EPHA6: variants seen among roughly 807,000 people sequenced by gnomAD.
The protein encoded by EPHA6 is ephrin type-A receptor 6.
A neutral mutation model predicts 112.0 loss-of-function variants in EPHA6; 50 were observed. That is an observed-to-expected ratio of 0.45 (90% CI 0.36 to 0.56). The LOEUF (loss-of-function observed/expected upper bound fraction) is 0.56, where lower values mean the gene tolerates loss of function less well. EPHA6 is among the 20% of genes least tolerant of loss of function. The probability of loss-of-function intolerance (pLI) is 0.00; values close to 1 mark genes in which losing one functional copy is unlikely to be tolerated. For synonymous variants in EPHA6, 529 were observed against 490.7 expected (o/e 1.08, Z -1.03); for missense variants, 1,280 against 1,417.4 (o/e 0.90, Z 1.56).
rs150704449 is a variant in EPHA6 at position 97,638,796 on chromosome 3, G to A, written c.2784+714G>A. 2.8e-3 allele frequency among the ~76,000 whole-genome samples: 431 copies of A among 152,128 alleles called. 2 individuals carry two copies. Among genetic ancestry groups the A allele is most frequent in the African/African-American group, 9.2e-3 (381 of 41,532 alleles). On this transcript the variant is annotated intron_variant, in intron 14 of 17. Coordinates refer to ENST00000389672, the MANE Select transcript of EPHA6 (RefSeq NM_001080448.3). ...TATCTTCAAGCTACTAATTCATAAA[G>A]TTATATTCTGTTATTTTTTTAAACA...
rs528655637 is a variant in EPHA6 at position 97,413,785 on chromosome 3, T to C, written c.1731+8511T>C. Among the ~76,000 whole-genome samples, 53 of 152,072 alleles carry C rather than the reference T, an allele frequency of 3.5e-4. No homozygotes were observed. The South Asian group carries it at 0.01, about 30-fold the overall frequency. On this transcript the variant is annotated intron_variant, in intron 6 of 17. Coordinates refer to ENST00000389672, the MANE Select transcript of EPHA6 (RefSeq NM_001080448.3). ...CACCTAATTTACTATCCCCAAATGA[T>C]GAAGGACTAAATACCTAAATACCTA...
chr3:97,246,581 CT>C (rs2078993245), intron 5 of EPHA6, among the ~76,000 whole-genome samples: 1 of 151,190 alleles, frequency 6.6e-6, no homozygotes, highest in Non-Finnish European at 1.5e-5. Flanking sequence ...AATAATTTAT[CT>C]TTTTTGAATA....
intron 5 of EPHA6, among the ~76,000 whole-genome samples, chr3:97,250,474 T>C (rs1024567265): frequency 5.9e-5 from 9 of 152,200 alleles, no homozygotes; most frequent in Admixed American, 4.6e-4. Flanking sequence ...CTTATTGCTG[T>C]TTTGGTGCCT....
chr3:97,316,169 T>C (rs2081825740), intron 5 of EPHA6, among the ~76,000 whole-genome samples: 1 of 151,810 alleles, frequency 6.6e-6, no homozygotes, highest in African/African-American at 2.4e-5. Context: ...CCTCAAGATA[T>C]GGGAGAATAT....
At chr3:97,364,979 A>G (rs2084632571) in intron 5 of EPHA6, among the ~76,000 whole-genome samples, 2 of 152,180 alleles carry the variant, frequency 1.3e-5, no homozygotes, top group South Asian at 4.1e-4. Context: ...TTAAGTTCCA[A>G]AAGACTCTGC....
intron 3 of EPHA6, among the ~76,000 whole-genome samples, chr3:97,163,001 C>A (rs1404064901): frequency 6.6e-6 from 1 of 152,130 alleles, no homozygotes; most frequent in African/African-American, 2.4e-5. Context: ...GCCCCTGCTG[C>A]CCTGGAACTG....
At chr3:97,042,351 A>C (rs975082151) in intron 3 of EPHA6, among the ~76,000 whole-genome samples, 1 of 152,060 alleles carries the variant, frequency 6.6e-6, no homozygotes, top group African/African-American at 2.4e-5. Context: ...TTAAGCTTCC[A>C]GAGGCCTCAT....
intron 1 of EPHA6, among the ~76,000 whole-genome samples, chr3:96,850,151 G>C (rs2035296859): frequency 6.6e-6 from 1 of 152,100 alleles, no homozygotes; most frequent in Admixed American, 6.6e-5. Flanking sequence ...GAGATTGGAA[G>C]GAGCTGTGGT....
intron 3 of EPHA6, among the ~76,000 whole-genome samples, chr3:97,127,638 T>C (rs1198370675): frequency 2.6e-5 from 4 of 151,744 alleles, no homozygotes; most frequent in African/African-American, 9.7e-5. Context: ...GGAGACTCCT[T>C]TGAACCTGAG....
Position 97,493,623 on chromosome 3 carries a change from C to CTGTGTGTGTGTGTGTGTG in EPHA6, c.2200+9566_2200+9583dup, listed in dbSNP as rs373276812. Among the ~76,000 whole-genome samples, 764 of 147,368 alleles carry CTGTGTGTGTGTGTGTGTG rather than the reference C, an allele frequency of 5.2e-3. 9 individuals are homozygous for CTGTGTGTGTGTGTGTGTG. The highest frequency in any genetic ancestry group is 0.017 in the African/African-American group (700 of 40,226). Reference sequence around the variant, plus strand: ...TTTTGGGGGGACACAATTTAGTCCTCTGTGTGTGTGTGTGTGTGTAGTGGG... The same window carrying CTGTGTGTGTGTGTGTGTG: ...TTTTGGGGGGACACAATTTAGTCCTCTGTGTGTGTGTGTGTGTGTGTGTGTGTGTGTGTGTGTAGTGGG... On this transcript the variant is annotated intron_variant, in intron 10 of 17. Transcript: ENST00000389672.
chr3:97,575,698 G>T (rs1314717773), intron 11 of EPHA6, among the ~76,000 whole-genome samples: 1 of 152,148 alleles, frequency 6.6e-6, no homozygotes, highest in African/African-American at 2.4e-5. Flanking sequence ...CCTTTGAAAG[G>T]TTTTAAGCAG....
At chr3:97,244,468 C>T in intron 5 of EPHA6, 181 bp downstream of exon 5, 1 of 588,040 alleles carries the variant, frequency 1.7e-6, no homozygotes, top group African/African-American at 1.9e-5. Context: ...TTTTATATTA[C>T]TTCTCAGCAG....
chr3:97,441,428 A>G (rs2090133900), intron 6 of EPHA6: 3 of 978,934 alleles, frequency 3.1e-6, no homozygotes, highest in Non-Finnish European at 3.6e-6. Context: ...AAACAAAACT[A>G]CAATGGAAGA....
chr3:96,999,312 C>T (rs1401323650), intron 3 of EPHA6, among the ~76,000 whole-genome samples: 2 of 151,850 alleles, frequency 1.3e-5, no homozygotes, highest in Admixed American at 1.3e-4. Context: ...ATAAATTTCC[C>T]AAAGAATTCA....
At chr3:96,905,901 A>G (rs1002070802) in intron 2 of EPHA6, among the ~76,000 whole-genome samples, 47 of 152,034 alleles carry the variant, frequency 3.1e-4, no homozygotes, top group African/African-American at 1.1e-3. Context: ...TTGAAATAAC[A>G]TTGTAAGTAC....
At chr3:97,724,206 C>T (rs4257593) in intron 15 of EPHA6, among the ~76,000 whole-genome samples, 41,933 of 151,920 alleles carry the variant, frequency 0.28, 6,136 homozygotes, top group East Asian at 0.38. Flanking sequence ...TGAGTTTCTC[C>T]GTTCTGCAGA....
chr3:96,891,262 A>G (rs2037944661), intron 2 of EPHA6, among the ~76,000 whole-genome samples: 1 of 152,224 alleles, frequency 6.6e-6, no homozygotes, highest in African/African-American at 2.4e-5. Context: ...AAGAAACTGA[A>G]AAAAAATCTG....
rs578207551 is a variant in EPHA6, at chr3:97,755,167, C to T, written c.*6466C>T. Among the ~76,000 whole-genome samples, 207 of 152,128 alleles carry T rather than the reference C, an allele frequency of 1.4e-3. 2 individuals are homozygous for T. The highest frequency in any genetic ancestry group is 5.0e-3 in the South Asian group (24 of 4,810). On this transcript the variant is annotated 3_prime_UTR_variant, in exon 18 of 18. Coordinates refer to ENST00000389672, the MANE Select transcript of EPHA6 (RefSeq NM_001080448.3). ...ACCCTTAGACACAACTAATTCATTC[C>T]TCAGAATAACAAAGGTATTAAAGAA...
At chr3:97,073,494 G>T (rs1040186854) in intron 3 of EPHA6, among the ~76,000 whole-genome samples, 1 of 152,080 alleles carries the variant, frequency 6.6e-6, no homozygotes, top group African/African-American at 2.4e-5. Context: ...CACAACGTGT[G>T]TTAGAATGAT....
Sources: gnomAD v4.1 joint callset for allele counts (sites outside exome capture counted in the v4.1 genomes callset) on GRCh38, gnomAD v4.1.1 for gene constraint, MANE v1.5 for transcripts, NCBI Gene and HGNC (gene_info 2026-07-23, HGNC 2026-07-21) for gene names.